TRIM54: variants seen among roughly 807,000 people sequenced by gnomAD.
TRIM54 encodes the protein tripartite motif containing 54.
TRIM54 carries 40 observed loss-of-function variants against 42.0 expected under a neutral mutation model. The observed-to-expected ratio is 0.95, with a 90% confidence interval of 0.74 to 1.24. The LOEUF (loss-of-function observed/expected upper bound fraction) is 1.24, where lower values mean the gene tolerates loss of function less well. Among genes scored for constraint, TRIM54 ranks in the 50% most tolerant of loss-of-function variants. TRIM54 has a pLI of 0.00. For synonymous variants in TRIM54, 199 were observed against 194.9 expected, an observed-to-expected ratio of 1.02 and a Z score of -0.17; for missense variants, 485 against 480.3, an observed-to-expected ratio of 1.01 and a Z score of -0.09.
chr2:27,303,303 C>G (rs540936384), intron 3 of TRIM54, among the ~76,000 whole-genome samples: 1 of 152,278 alleles, frequency 6.6e-6, no homozygotes, highest in East Asian at 1.9e-4. Context: ...CGCCTGTAAT[C>G]TCAACACTTT....
chr2:27,293,658 G>A (rs1169568344), intron 1 of TRIM54, among the ~76,000 whole-genome samples: 5 of 151,974 alleles, frequency 3.3e-5, no homozygotes, highest in Non-Finnish European at 5.9e-5. Flanking sequence ...TCAGGCTGTA[G>A]TTTCTTTCCT....
Position 27,307,272 on chromosome 2 carries a change from C to T in TRIM54, c.*387C>T. The T allele has an allele frequency of 1.6e-6, 1 of 613,232 alleles. No homozygotes were observed. The highest frequency in any genetic ancestry group is 2.8e-6 in the Non-Finnish European group (1 of 362,892). 38.0% of individuals were successfully genotyped at this position (613,232 alleles called of 1,614,324 possible). On this transcript the variant is annotated 3_prime_UTR_variant, in exon 9 of 9. Transcript: ENST00000380075. This position sits in a 1 kb window ranked among gnomAD's most constrained non-coding sequence, Gnocchi z 6.9. ...TTGGGGTCCACATGCACCTGGCTGA[C>T]CTGGCTGAAAGCCGCTGTCTCGGAG...
intron 1 of TRIM54, among the ~76,000 whole-genome samples, chr2:27,293,933 G>A (rs1163296182): frequency 6.6e-6 from 1 of 152,004 alleles, no homozygotes; most frequent in African/African-American, 2.4e-5. Context: ...TGAGGCAGGA[G>A]AATCGCTTGA....
rs1351233937 is a variant in TRIM54, at chr2:27,306,150, CTG to C, written c.866+49_866+50del. ...GAAAGGAGGGGGCTGCACTGCTCCA[CTG>C]GCTGGGGTGGGGCTTGAGAGTGCTG... is the stretch of plus-strand genomic sequence containing the variant. On this transcript the variant is annotated intron_variant, in intron 6 of 8. Coordinates refer to ENST00000380075, the MANE Select transcript of TRIM54 (RefSeq NM_187841.3). The surrounding 1 kb of genome is among the most constrained non-coding windows in gnomAD (Gnocchi z 6.1). The C allele has an allele frequency of 6.2e-7, 1 of 1,614,006 alleles. No homozygotes were observed. The highest frequency in any genetic ancestry group is 1.3e-5 in the African/African-American group (1 of 75,056).
intron 1 of TRIM54, among the ~76,000 whole-genome samples, chr2:27,287,057 T>G (rs1416240668): frequency 6.6e-6 from 1 of 152,200 alleles, no homozygotes; most frequent in African/African-American, 2.4e-5. Context: ...AGATCTTGAT[T>G]TAGTGAGAAC....
Position 27,307,412 on chromosome 2 carries a change from CT to C in TRIM54, c.*531del. 1 of 1,509,652 alleles carries C rather than the reference CT, an allele frequency of 6.6e-7. No homozygotes were observed. 93.5% of individuals were successfully genotyped at this position (1,509,652 alleles called of 1,614,324 possible). On this transcript the variant is annotated 3_prime_UTR_variant, in exon 9 of 9. Coordinates refer to ENST00000380075, the MANE Select transcript of TRIM54 (RefSeq NM_187841.3). The surrounding 1 kb of genome is among the most constrained non-coding windows in gnomAD (Gnocchi z 6.9). ...GACAAAAGCCAACGGGTCTTCAGTA[CT>C]TTTATTAAAAAATAGTCACGCAGAC...
At chr2:27,293,406 C>T (rs1428224520) in intron 1 of TRIM54, among the ~76,000 whole-genome samples, 1 of 152,124 alleles carries the variant, frequency 6.6e-6, no homozygotes, top group African/African-American at 2.4e-5. Context: ...GTTGTGTTGT[C>T]TTGGAGTATT....
At chr2:27,287,429 A>G (rs1364213007) in intron 1 of TRIM54, among the ~76,000 whole-genome samples, 2 of 151,210 alleles carry the variant, frequency 1.3e-5, no homozygotes, top group Non-Finnish European at 2.9e-5. Flanking sequence ...TTGTTCTCCA[A>G]CTCCTGGACT....
At chr2:27,283,821 C>CAT (rs1678478007) in intron 1 of TRIM54, among the ~76,000 whole-genome samples, 1 of 151,184 alleles carries the variant, frequency 6.6e-6, no homozygotes, top group East Asian at 1.9e-4. Flanking sequence ...CACACACACA[C>CAT]GGCCTTGCCG....
At chr2:27,297,525 T>C (rs1281083011) in intron 1 of TRIM54, among the ~76,000 whole-genome samples, 5 of 152,198 alleles carry the variant, frequency 3.3e-5, no homozygotes, top group African/African-American at 1.2e-4. Flanking sequence ...CCTACCCCTA[T>C]CACAACACCC....
At chr2:27,289,569 G>A (rs1301860380) in intron 1 of TRIM54, among the ~76,000 whole-genome samples, 3 of 152,098 alleles carry the variant, frequency 2.0e-5, no homozygotes, top group Non-Finnish European at 4.4e-5. Flanking sequence ...TGCCCGCCTC[G>A]GCCTCCCAGA....
At chr2:27,305,444 T>C (rs1033153489) in intron 4 of TRIM54, 140 bp from the exon 5 acceptor site, 14 of 659,132 alleles carry the variant, frequency 2.1e-5, no homozygotes, top group Non-Finnish European at 3.2e-5. Context: ...AGATCTGGGC[T>C]GGGTTCTGGC....
intron 1 of TRIM54, among the ~76,000 whole-genome samples, chr2:27,285,498 G>A (rs1020877286): frequency 2.0e-5 from 3 of 152,168 alleles, no homozygotes; most frequent in Non-Finnish European, 4.4e-5. Context: ...CAGTATAGGA[G>A]TTCATATCAT....
At position 27,306,704 on chromosome 2, in the gene TRIM54, C is replaced by T. The variant is rs540548032; in HGVS notation, c.*1+162C>T. On this transcript the variant is annotated intron_variant, in intron 8 of 8. Transcript: ENST00000380075. This position sits in a 1 kb window ranked among gnomAD's most constrained non-coding sequence, Gnocchi z 6.1. ...ACCCAACCCCGGAGCCACAAAGGCG[C>T]GCCCCCTAGGGCGGAAAAGTACACT... 6.6e-6 allele frequency among the ~76,000 whole-genome samples: 1 copy of T among 152,138 alleles called. No individual in the cohort carries two copies. Among genetic ancestry groups the T allele is most frequent in the Non-Finnish European group, 1.5e-5 (1 of 67,996 alleles).
At chr2:27,291,049 C>G (rs1678705861) in intron 1 of TRIM54, among the ~76,000 whole-genome samples, 2 of 152,144 alleles carry the variant, frequency 1.3e-5, no homozygotes, top group Non-Finnish European at 2.9e-5. Flanking sequence ...TTTAATAGTT[C>G]TATTTTAAAA....
rs150243148 is a variant in TRIM54, at chr2:27,299,356, C to A, written c.453C>A (p.Val151=). The A allele has an allele frequency of 6.2e-7, 1 of 1,614,032 alleles. No homozygotes were observed. Among genetic ancestry groups the A allele is most frequent in the African/African-American group, 1.3e-5 (1 of 74,926 alleles). The change falls in exon 3 of 9, where the codon GTC becomes GTA. Residue 151 remains valine (V), a synonymous_variant. Transcript: ENST00000380075. ...CEVPTCSLCK[V]FGAHKDCEVA... is the part of the protein sequence containing the mutation. ...TGCCCACCTGCTCTCTCTGCAAGGT[C>A]TTCGGTGCCCACAAGGACTGTGAGG...
rs750473735 is a variant in TRIM54, at chr2:27,299,415, AG to A, written c.513+1del. Reference sequence around the variant, plus strand: ...CTGCCCACCATTTACAAACGCCAGAAGGTATCAAACAGGGGAGGGAGTAGAT... The same window carrying A: ...CTGCCCACCATTTACAAACGCCAGAAGTATCAAACAGGGGAGGGAGTAGAT... ...APLPTIYKRQKSELSDGIAML... is the reference protein window; with the variant it reads ...APLPTIYKRQXSELSDGIAML... On this transcript the variant is annotated frameshift_variant and splice_region_variant, in exon 3 of 9. Coordinates refer to ENST00000380075, the MANE Select transcript of TRIM54 (RefSeq NM_187841.3). LOFTEE classifies it high-confidence loss of function. The A allele has an allele frequency of 2.2e-4, 351 of 1,613,508 alleles. 1 individual carries two copies. The highest frequency in any genetic ancestry group is 2.5e-4 in the Non-Finnish European group (293 of 1,179,882).
At position 27,294,062 on chromosome 2, in the gene TRIM54, A is replaced by G. The variant is rs573239761; in HGVS notation, c.169-4505A>G. Among the ~76,000 whole-genome samples the G allele has an allele frequency of 6.9e-4, 105 of 152,224 alleles. 1 individual carries two copies. The highest frequency in any genetic ancestry group is 2.4e-3 in the African/African-American group (101 of 41,542). On this transcript the variant is annotated intron_variant, in intron 1 of 8. Coordinates refer to ENST00000380075, the MANE Select transcript of TRIM54 (RefSeq NM_187841.3). ...AATAATAACAACAACAACAACAGTA[A>G]AAGAAACTGCCTCTGCCTGAGACTC...
rs1163931911 is a variant in TRIM54 at position 27,305,730 on chromosome 2, G to A, written c.756G>A (p.Gln252=). The A allele has an allele frequency of 1.2e-6, 2 of 1,611,974 alleles. No homozygotes were observed. Among genetic ancestry groups the A allele is most frequent in the Admixed American group, 1.7e-5 (1 of 59,872 alleles). The stretch of plus-strand genomic sequence containing the variant: ...AGCGCGTCCGCGGCCTCATCCGTCA[G>A]TATGGCGACCACCTGGAGGCCTCCT... The part of the protein sequence containing the change: ...KLQRVRGLIR[Q]YGDHLEASSK... Residue 252 remains glutamine (Q), a synonymous_variant, in exon 5 of 9, where the codon CAG becomes CAA. Coordinates refer to ENST00000380075, the MANE Select transcript of TRIM54 (RefSeq NM_187841.3).
Sources: allele counts gnomAD v4.1 joint callset (sites outside exome capture counted in the v4.1 genomes callset), GRCh38; gene constraint gnomAD v4.1.1; non-coding constraint Gnocchi (gnomAD v3.1); transcripts MANE v1.5; gene names NCBI Gene and HGNC (gene_info 2026-07-23, HGNC 2026-07-21).